ORC3: variants seen among roughly 807,000 people sequenced by gnomAD.
ORC3 encodes homolog of latheo, Drosophila.
ORC3 carries 78 observed loss-of-function variants against 100.7 expected under a neutral mutation model. The ratio of observed to expected loss-of-function variants is 0.77; its 90% CI spans 0.65 to 0.94. The LOEUF is 0.94. Ranked by LOEUF, ORC3 falls within the 40% of genes least tolerant of loss-of-function variation. The probability of loss-of-function intolerance (pLI) is 0.00; values close to 1 mark genes in which losing one functional copy is unlikely to be tolerated. For synonymous variants in ORC3, 295 were observed against 289.3 expected, an observed-to-expected ratio of 1.02 and a Z score of -0.20; for missense variants, 789 against 823.9, an observed-to-expected ratio of 0.96 and a Z score of 0.52.
intron 9 of ORC3, among the ~76,000 whole-genome samples, chr6:87,616,955 G>A (rs768818602): frequency 3.3e-5 from 5 of 152,018 alleles, no homozygotes; most frequent in African/African-American, 7.2e-5. Context: ...GTGCCACCAC[G>A]CCTGGCTAAT....
chr6:87,614,295 T>C (rs6907107), intron 8 of ORC3, among the ~76,000 whole-genome samples: 19,613 of 152,120 alleles, frequency 0.13, 1,419 homozygotes, highest in African/African-American at 0.19. Flanking sequence ...ACAGCACCAA[T>C]TTCCTAAGCT....
At chr6:87,659,331 G>C (rs1446874451) in intron 16 of ORC3, among the ~76,000 whole-genome samples, 1 of 151,616 alleles carries the variant, frequency 6.6e-6, no homozygotes, top group Non-Finnish European at 1.5e-5. Context: ...CAAAGTGCTG[G>C]GATTACAGGC....
At chr6:87,674,645 T>TATAAATATATATATA in the ORC3 span, among the ~76,000 whole-genome samples, 1 of 148,086 alleles carries the variant, frequency 6.8e-6, no homozygotes, top group African/African-American at 2.5e-5. Context: ...TATATATATT[T>TATAAATATATATATA]TTTTTTTTTT....
At chr6:87,647,746 G>A in intron 13 of ORC3, among the ~76,000 whole-genome samples, 1 of 152,168 alleles carries the variant, frequency 6.6e-6, no homozygotes, top group East Asian at 1.9e-4. Context: ...GTTCATGACT[G>A]ACAAAGGAGT....
chr6:87,624,297 A>C (rs1163513314), intron 11 of ORC3, among the ~76,000 whole-genome samples: 1 of 152,168 alleles, frequency 6.6e-6, no homozygotes. Flanking sequence ...CAGCCTGGCC[A>C]ATATGGTGAA....
At position 87,610,799 on chromosome 6, in the gene ORC3, C is replaced by T. The variant is rs915689834; in HGVS notation, c.714-1290C>T. ...CGATCTCCTGACCTCATGATCCACC[C>T]GCCTCGGCCTCCCAAAGTGCTGGGA... is the stretch of plus-strand genomic sequence containing the variant. On this transcript the variant is annotated intron_variant, in intron 7 of 19. Coordinates refer to ENST00000392844, the MANE Select transcript of ORC3 (RefSeq NM_012381.4). Among the ~76,000 whole-genome samples, 33 of 144,416 alleles carry T rather than the reference C, an allele frequency of 2.3e-4. 4 individuals carry two copies. The highest frequency in any genetic ancestry group is 8.3e-4 in the African/African-American group (31 of 37,276). The allele number at this position is 144,416 out of a possible 152,430, so 94.7% of individuals were successfully genotyped here.
intron 2 of ORC3, chr6:87,594,746 C>A: frequency 5.0e-6 from 1 of 201,152 alleles, no homozygotes; most frequent in Non-Finnish European, 9.3e-6. Context: ...GCTAGAGAAA[C>A]ATTTTGATCC....
intron 2 of ORC3, among the ~76,000 whole-genome samples, chr6:87,596,520 G>A (rs1056831732): frequency 2.6e-5 from 4 of 151,836 alleles, no homozygotes; most frequent in African/African-American, 9.7e-5. Context: ...ATGAAGTAGG[G>A]GGAATTAACT....
At chr6:87,652,855 A>G (rs1307547749) in intron 13 of ORC3, among the ~76,000 whole-genome samples, 1 of 152,206 alleles carries the variant, frequency 6.6e-6, no homozygotes, top group Non-Finnish European at 1.5e-5. Context: ...ATTCTTTATT[A>G]CAAACATCAT....
chr6:87,674,642 A>T, the ORC3 span, among the ~76,000 whole-genome samples: 7,017 of 140,770 alleles, frequency 0.05, 247 homozygotes, highest in African/African-American at 0.076. Flanking sequence ...ATATATATAT[A>T]TTTTTTTTTT....
rs1770475143 is a variant in ORC3 at position 87,664,852 on chromosome 6, G to A, written c.1943G>A (p.Trp648Ter). 1 of 1,592,390 alleles carries A rather than the reference G, an allele frequency of 6.3e-7. No homozygotes were observed. The highest frequency in any genetic ancestry group is 1.7e-5 in the Admixed American group (1 of 59,302). The change falls in exon 18 of 20, where the codon TGG (tryptophan) becomes TAG (stop). Residue 648 changes from tryptophan (W) to a stop codon, truncating the protein, a stop_gained. Coordinates refer to ENST00000392844, the MANE Select transcript of ORC3 (RefSeq NM_012381.4). LOFTEE classifies it high-confidence loss of function. Reference sequence around the variant, plus strand: ...AGCAGGCTCATCAACCTCGTGGACTGGTCAGAGGTAGGTTGTAGGGAAAAG... The same window carrying A: ...AGCAGGCTCATCAACCTCGTGGACTAGTCAGAGGTAGGTTGTAGGGAAAAG... The part of the protein sequence containing the change: ...ECSRLINLVD[W>*]SEAFATVVTA...
At chr6:87,627,139 A>T (rs902876055) in intron 11 of ORC3, among the ~76,000 whole-genome samples, 6 of 151,622 alleles carry the variant, frequency 4.0e-5, no homozygotes, top group Non-Finnish European at 7.4e-5. Flanking sequence ...CTGGGGTTAC[A>T]GGTGCCTACC....
intron 13 of ORC3, 79 bp downstream of exon 13, chr6:87,636,565 G>T: frequency 1.2e-6 from 1 of 841,420 alleles, no homozygotes. Flanking sequence ...CTAGAACCCT[G>T]CCTGCCAAAA....
intron 13 of ORC3, among the ~76,000 whole-genome samples, chr6:87,648,230 C>G (rs1176443136): frequency 6.6e-6 from 1 of 151,104 alleles, no homozygotes; most frequent in African/African-American, 2.4e-5. Context: ...CAAAACAAAA[C>G]CAAAAAAAAA....
chr6:87,622,154 C>A, intron 11 of ORC3, 141 bp downstream of exon 11: 2 of 534,590 alleles, frequency 3.7e-6, no homozygotes, highest in South Asian at 2.9e-5. Context: ...TGATAGTCAC[C>A]TAGGAATGTG....
At chr6:87,600,707 A>C (rs1210371973) in intron 2 of ORC3, among the ~76,000 whole-genome samples, 1 of 152,212 alleles carries the variant, frequency 6.6e-6, no homozygotes, top group East Asian at 1.9e-4. Flanking sequence ...ATGTCAAATC[A>C]GCGGGAGAAG....
chr6:87,607,307 G>A (rs1778412414), intron 5 of ORC3, among the ~76,000 whole-genome samples: 1 of 152,014 alleles, frequency 6.6e-6, no homozygotes. Flanking sequence ...GCACGCGCCT[G>A]TAATCCCAGC....
chr6:87,669,153 G>A (rs188382155), downstream of ORC3, among the ~76,000 whole-genome samples: 23 of 152,162 alleles, frequency 1.5e-4, no homozygotes, highest in Admixed American at 3.9e-4. Context: ...GTGAAACTCC[G>A]TCTCAAAAAC....
chr6:87,621,581 A>G (rs7772561), intron 10 of ORC3, 94 bp downstream of exon 10: 483,771 of 863,936 alleles, frequency 0.56, 136,734 homozygotes, highest in African/African-American at 0.72. Context: ...GTAGGGAAAG[A>G]AATAGTAACC....
Sources: gnomAD v4.1 joint callset for allele counts (sites outside exome capture counted in the v4.1 genomes callset) on GRCh38, gnomAD v4.1.1 for gene constraint, MANE v1.5 for transcripts, NCBI Gene and HGNC (gene_info 2026-07-23, HGNC 2026-07-21) for gene names.